SMARCA1: variants seen among roughly 807,000 people sequenced by gnomAD.
SMARCA1 encodes SWI/SNF-related matrix-associated actin-dependent regulator of chromatin subfamily A member 1.
A neutral mutation model predicts 93.6 loss-of-function variants in SMARCA1; 17 were observed. That is an observed-to-expected ratio of 0.18 (90% CI 0.12 to 0.27). The LOEUF (loss-of-function observed/expected upper bound fraction) is 0.27, where lower values mean the gene tolerates loss of function less well. SMARCA1 is among the 10% of genes least tolerant of loss of function. SMARCA1 has a pLI of 1.00. For synonymous variants in SMARCA1, 271 were observed against 271.4 expected (o/e 1.00, Z 0.01); for missense variants, 630 against 819.0 (o/e 0.77, Z 2.82).
At chrX:129,508,155 A>G (rs1206173303) in intron 6 of SMARCA1, 59 bp from the exon 7 acceptor site, 37 of 658,408 alleles carry the variant, frequency 5.6e-5, no homozygotes. Flanking sequence ...ATGTTATAAG[A>G]TGATCACAGA....
At chrX:129,506,689 C>CAAAAAAAAA (rs1484081895) in intron 7 of SMARCA1, among the ~76,000 whole-genome samples, 5 of 46,516 alleles carry the variant, frequency 1.1e-4, no homozygotes, top group Admixed American at 3.2e-4. Flanking sequence ...AACTCCGTCT[C>CAAAAAAAAA]AAAAAAAAAA....
At chrX:129,449,997 C>T (rs776761776) in intron 23 of SMARCA1, among the ~76,000 whole-genome samples, 4 of 112,705 alleles carry the variant, frequency 3.5e-5, no homozygotes, top group Admixed American at 9.3e-5. Context: ...GATGCTGAAA[C>T]GGGAACTTTC....
At position 129,480,730 on chromosome X, in the gene SMARCA1, G is replaced by C. The variant is rs1179745870; in HGVS notation, c.2413C>G (p.Leu805Val). 2 of 1,119,404 alleles carry C rather than the reference G, an allele frequency of 1.8e-6. No individual in the cohort carries two copies. Among genetic ancestry groups the C allele is most frequent in the Admixed American group, 6.6e-5 (2 of 30,190 alleles). The allele number at this position is 1,119,404 out of a possible 1,213,427, so 92.3% of individuals were successfully genotyped here. Residue 805 changes from leucine to valine, a missense_variant, in exon 19 of 25, where the codon CTT (leucine) becomes GTT (valine). By Grantham distance (32) the Leu-to-Val change is conservative. This residue lies in a region of SMARCA1 where 52 missense variants were observed against 38.3 expected (regional missense o/e 1.36). Transcript: ENST00000371121. The part of the protein sequence containing the change: ...RLFELLEKEI[L>V]YYRKTIGYKV... ...TAGCCTATTGTCTTCCGATAATAAA[G>C]AATTTCCTTTTCCAGGAGCTCAAAT... is the stretch of plus-strand genomic sequence containing the variant.
chrX:129,512,896 G>T (rs191314568), intron 5 of SMARCA1, among the ~76,000 whole-genome samples: 1 of 111,596 alleles, frequency 9.0e-6, no homozygotes, highest in African/African-American at 3.3e-5. Context: ...ACTACACATC[G>T]GGCAATCCAA....
intron 5 of SMARCA1, among the ~76,000 whole-genome samples, chrX:129,514,271 C>T (rs1269193664): frequency 9.0e-6 from 1 of 111,478 alleles, no homozygotes; most frequent in African/African-American, 3.3e-5. Flanking sequence ...GAGCCGAGAT[C>T]ATGCCACTGC....
Position 129,490,105 on chromosome X carries a change from T to C in SMARCA1, c.1903A>G (p.Arg635Gly). ...TCGAGTCTCAGTTTTATCTCAGCTC[T>C]TTCTACAATCCTCTCTTCAACAGTG... ...DNTVEERIVE[R>G]AEIKLRLDSI... is the part of the protein sequence containing the mutation. The change falls in exon 15 of 25, where the codon AGA becomes GGA. Residue 635 changes from arginine (R) to glycine (G), a missense_variant. This residue lies in a region of SMARCA1 where 382 missense variants were observed against 537.9 expected (regional missense o/e 0.71). Coordinates refer to ENST00000371121, the MANE Select transcript of SMARCA1 (RefSeq NM_001282874.2). The C allele has an allele frequency of 8.4e-7, 1 of 1,192,126 alleles. No individual in the cohort carries two copies. Among genetic ancestry groups the C allele is most frequent in the Admixed American group, 2.2e-5 (1 of 45,914 alleles).
At chrX:129,517,243 G>A (rs1202951667) in intron 2 of SMARCA1, among the ~76,000 whole-genome samples, 3 of 110,834 alleles carry the variant, frequency 2.7e-5, no homozygotes, top group Non-Finnish European at 5.7e-5. Flanking sequence ...ATTGTAAAAG[G>A]TCAGGGAACG....
Position 129,518,359 on chromosome X carries a change from A to T in SMARCA1, c.261+2T>A. On this transcript the variant is annotated splice_donor_variant, in intron 2 of 24. Coordinates refer to ENST00000371121, the MANE Select transcript of SMARCA1 (RefSeq NM_001282874.2). LOFTEE classifies it high-confidence loss of function. ...CACTATCCTATCCAAGACTACATTT[A>T]CCATTTTCTCTTCATATTCTGGGTC... 8.8e-7 allele frequency: 1 copy of T among 1,140,741 alleles called. No individual in the cohort carries two copies. The highest frequency in any genetic ancestry group is 1.2e-6 in the Non-Finnish European group (1 of 839,841). The allele number at this position is 1,140,741 out of a possible 1,213,427, so 94.0% of individuals were successfully genotyped here.
Position 129,450,231 on chromosome X carries a change from G to C in SMARCA1, c.3031-1788C>G, listed in dbSNP as rs767834231. ...TGGTGTCCTTGTAAGAAGTGGAAGAGACATCAAAGCTCTCCCTTTCTCTGC... is the reference window on the plus strand; with the variant it reads ...TGGTGTCCTTGTAAGAAGTGGAAGACACATCAAAGCTCTCCCTTTCTCTGC... On this transcript the variant is annotated intron_variant, in intron 23 of 24. Transcript: ENST00000371121. 3.6e-5 allele frequency among the ~76,000 whole-genome samples: 4 copies of C among 111,849 alleles called. No homozygotes were observed. In the South Asian group the frequency reaches 1.5e-3, roughly 42 times the overall value.
chrX:129,456,928 G>C (rs1488817086), intron 23 of SMARCA1, among the ~76,000 whole-genome samples: 1 of 112,204 alleles, frequency 8.9e-6, no homozygotes. Context: ...TAAAGCTTTG[G>C]CAAGATTTGA....
intron 6 of SMARCA1, among the ~76,000 whole-genome samples, chrX:129,509,493 A>T (rs1212468340): frequency 8.9e-6 from 1 of 111,751 alleles, no homozygotes; most frequent in East Asian, 2.8e-4. Flanking sequence ...GCCAGACCCC[A>T]TTCAGTCGTG....
chrX:129,507,187 AAG>A (rs1934849083), intron 7 of SMARCA1, among the ~76,000 whole-genome samples: 1 of 111,505 alleles, frequency 9.0e-6, no homozygotes, highest in African/African-American at 3.3e-5. Flanking sequence ...CAGTGATCCA[AAG>A]AGAGGTTCAT....
chrX:129,522,332 A>C (rs1159824565), intron 1 of SMARCA1, among the ~76,000 whole-genome samples: 1 of 109,269 alleles, frequency 9.2e-6, no homozygotes, highest in Non-Finnish European at 1.9e-5. Context: ...AAAAAAAAAA[A>C]CCTGTGTGTG....
chrX:129,449,074 A>G (rs1932152314), intron 23 of SMARCA1, among the ~76,000 whole-genome samples: 2 of 111,406 alleles, frequency 1.8e-5, no homozygotes, highest in African/African-American at 6.5e-5. Flanking sequence ...ATTTTACTAT[A>G]GTTTTGCAAA....
At chrX:129,519,205 AG>A (rs1935306619) in intron 1 of SMARCA1, among the ~76,000 whole-genome samples, 1 of 111,694 alleles carries the variant, frequency 9.0e-6, no homozygotes, top group Non-Finnish European at 1.9e-5. Context: ...TATCTGGGGA[AG>A]GGGGTTATCT....
At position 129,508,611 on chromosome X, in the gene SMARCA1, T is replaced by C. The variant is rs1209292256; in HGVS notation, c.811-515A>G. Among the ~76,000 whole-genome samples the C allele has an allele frequency of 1.4e-4, 16 of 112,573 alleles. No homozygotes were observed. In the Admixed American group the frequency reaches 1.5e-3, roughly 11 times the overall value. On this transcript the variant is annotated intron_variant, in intron 6 of 24. Transcript: ENST00000371121. ...ACTCATATACTTTGTTAAAAGGTCA[T>C]GGAAGCCCACTAATGTTTTTGTGAA... is the stretch of plus-strand genomic sequence containing the variant.
intron 1 of SMARCA1, among the ~76,000 whole-genome samples, chrX:129,521,443 A>ACC (rs1326025866): frequency 8.9e-6 from 1 of 112,282 alleles, no homozygotes; most frequent in African/African-American, 3.2e-5. Flanking sequence ...GACATACAGC[A>ACC]CCTCATTTCC....
At chrX:129,517,350 CTATT>C (rs1338227192) in intron 2 of SMARCA1, among the ~76,000 whole-genome samples, 2 of 110,101 alleles carry the variant, frequency 1.8e-5, no homozygotes, top group East Asian at 2.8e-4. Flanking sequence ...AAAATAAAGA[CTATT>C]TATTTATTCA....
intron 23 of SMARCA1, among the ~76,000 whole-genome samples, chrX:129,463,675 C>T (rs1439224345): frequency 8.9e-6 from 1 of 111,836 alleles, no homozygotes; most frequent in Non-Finnish European, 1.9e-5. Flanking sequence ...CGGTGGTTCA[C>T]GCCTATAATC....
Sources: allele counts gnomAD v4.1 joint callset (sites outside exome capture counted in the v4.1 genomes callset), GRCh38; gene constraint gnomAD v4.1.1; regional missense constraint gnomAD v4.1.1; transcripts MANE v1.5; gene names NCBI Gene and HGNC (gene_info 2026-07-23, HGNC 2026-07-21).